Variants in LGALS2 observed in about 807,000 individuals in gnomAD.
LGALS2 encodes the protein galectin-2.
Under a neutral mutation model 10.1 loss-of-function variants are expected in LGALS2, and 7 were observed. The observed-to-expected ratio is 0.70, with a 90% CI of 0.40 to 1.31. The LOEUF (loss-of-function observed/expected upper bound fraction) is 1.31, where lower values mean the gene tolerates loss of function less well. Ranked by LOEUF, LGALS2 falls within the 50% of genes most tolerant of loss-of-function variation. The pLI is 0.01. For missense variants in LGALS2, 167 were observed against 163.6 expected (o/e 1.02, Z -0.11); for synonymous variants, 86 against 64.2 (o/e 1.34, Z -1.63).
intron 1 of LGALS2, among the ~76,000 whole-genome samples, chr22:37,577,535 C>CTTT (rs1242922699): frequency 4.1e-5 from 6 of 147,144 alleles, no homozygotes; most frequent in African/African-American, 5.0e-5. Context: ...TCTTCTTCTT[C>CTTT]TTCTTTTTTG....
chr22:37,572,789 A>ATAATAAT (rs1925541065), intron 1 of LGALS2, among the ~76,000 whole-genome samples: 1 of 142,410 alleles, frequency 7.0e-6, no homozygotes. Context: ...AATAATAATA[A>ATAATAAT]TAATAATAAT....
chr22:37,572,665 G>A (rs991724143), intron 1 of LGALS2, among the ~76,000 whole-genome samples: 3 of 151,852 alleles, frequency 2.0e-5, no homozygotes, highest in African/African-American at 7.3e-5. Context: ...TACTCGGGAG[G>A]CTGAGGCAGG....
chr22:37,570,870 G>A (rs1569181416), intron 2 of LGALS2, 135 bp from the exon 3 acceptor site: 2 of 957,532 alleles, frequency 2.1e-6, no homozygotes, highest in Non-Finnish European at 3.3e-6. Context: ...TTAAAACAAG[G>A]GAGGTAACAA....
chr22:37,576,830 G>GA (rs1925696486), intron 1 of LGALS2, among the ~76,000 whole-genome samples: 1 of 152,228 alleles, frequency 6.6e-6, no homozygotes, highest in South Asian at 2.1e-4. Context: ...CTGCAGGGCA[G>GA]AAGCACTCGG....
At chr22:37,573,005 G>A (rs1025039232) in intron 1 of LGALS2, among the ~76,000 whole-genome samples, 1 of 151,230 alleles carries the variant, frequency 6.6e-6, no homozygotes, top group African/African-American at 2.4e-5. Context: ...CGGGCACAGT[G>A]GCTCACACCT....
Position 37,579,263 on chromosome 22 carries a change from A to AAAAGAG in LGALS2, c.6+636_6+637insCTCTTT, listed in dbSNP as rs71195028. Among the ~76,000 whole-genome samples, 200 of 121,314 alleles carry AAAAGAG rather than the reference A, an allele frequency of 1.6e-3. 7 individuals are homozygous for AAAAGAG. The highest frequency in any genetic ancestry group is 2.5e-3 in the Non-Finnish European group (148 of 59,664). 79.6% of individuals were successfully genotyped at this position (121,314 alleles called of 152,430 possible). ...ACTCCATCTCAAAAAAAAAAAAAAA[A>AAAAGAG]AGAGAAAGAAAAGAAACAAACAAAA... On this transcript the variant is annotated intron_variant, in intron 1 of 3. Transcript: ENST00000215886.
At position 37,570,329 on chromosome 22, in the gene LGALS2, G is replaced by T; in HGVS notation, c.333C>A (p.His111Gln). Residue 111 changes from histidine to glutamine, a missense_variant, in exon 4 of 4, where the codon CAC becomes CAA. Transcript: ENST00000215886. ...TTACGCTCAGGTAGCTCAGGTGGCT[G>T]TGACCCAGCCTGTTGGGAAAAGTCA... Reference protein sequence around the residue: ...HELTFPNRLGHSHLSYLSVRG... With the variant: ...HELTFPNRLGQSHLSYLSVRG... The T allele has an allele frequency of 6.2e-7, 1 of 1,614,092 alleles. No homozygotes were observed. Among genetic ancestry groups the T allele is most frequent in the South Asian group, 1.1e-5 (1 of 91,088 alleles).
chr22:37,576,172 G>T (rs1184995215), intron 1 of LGALS2, among the ~76,000 whole-genome samples: 1 of 152,128 alleles, frequency 6.6e-6, no homozygotes, highest in East Asian at 1.9e-4. Context: ...TCTCTTGCTG[G>T]CCAGGGGCGG....
At chr22:37,579,116 C>G (rs1297920144) in intron 1 of LGALS2, among the ~76,000 whole-genome samples, 4 of 147,900 alleles carry the variant, frequency 2.7e-5, no homozygotes, top group African/African-American at 1.0e-4. Context: ...GGTGTGGTGA[C>G]ACATACCTGT....
At chr22:37,572,769 A>AAATAAT (rs10633102) in intron 1 of LGALS2, among the ~76,000 whole-genome samples, 10,933 of 136,196 alleles carry the variant, frequency 0.08, 733 homozygotes, top group East Asian at 0.41. Context: ...TCCATCTCAA[A>AAATAAT]AATAATAATA....
rs1490733454 is a variant in LGALS2 at position 37,571,888 on chromosome 22, G to A, written c.50C>T (p.Thr17Ile). The part of the protein sequence containing the change: ...VKNMDMKPGS[T>I]LKITGSIADG... ...GGCGATGCTGCCTGTGATCTTCAGG[G>A]TTGACCCCGGCTTCATGTCCATGTT... The change falls in exon 2 of 4, where the codon ACC (threonine) becomes ATC (isoleucine). Residue 17 changes from threonine (T) to isoleucine (I), a missense_variant. Coordinates refer to ENST00000215886, the MANE Select transcript of LGALS2 (RefSeq NM_006498.3). 14 of 1,614,126 alleles carry A rather than the reference G, an allele frequency of 8.7e-6. No individual in the cohort carries two copies. The highest frequency in any genetic ancestry group is 6.7e-5 in the East Asian group (3 of 44,874).
chr22:37,576,331 A>G (rs984941470), intron 1 of LGALS2, among the ~76,000 whole-genome samples: 4 of 151,850 alleles, frequency 2.6e-5, no homozygotes, highest in Admixed American at 1.3e-4. Context: ...AGGCGCCTGT[A>G]GTCCCAGCTA....
intron 1 of LGALS2, among the ~76,000 whole-genome samples, chr22:37,575,760 G>A (rs1925654423): frequency 6.6e-6 from 1 of 152,166 alleles, no homozygotes; most frequent in South Asian, 2.1e-4. Flanking sequence ...CGGCCTGGCA[G>A]TACATTTTAT....
In LGALS2 at chr22:37,579,904, ATGGTGACAGCTCC is replaced by A; in HGVS notation, c.-12_1del. ...GCAGGGGGCTAGTGTCCTCACCGTC[ATGGTGACAGCTCC>A]TGGCGGCAGCTCCCAGCGGCTCCTG... On this transcript the variant is annotated start_lost and start_retained_variant and 5_prime_UTR_variant, in exon 1 of 4. Coordinates refer to ENST00000215886, the MANE Select transcript of LGALS2 (RefSeq NM_006498.3). 6.2e-7 allele frequency: 1 copy of A among 1,611,166 alleles called. No individual in the cohort carries two copies.
chr22:37,570,285 G>A lies in LGALS2; in HGVS notation c.377C>T (p.Ser126Phe), dbSNP rs757102132. The part of the protein sequence containing the change: ...YLSVRGGFNM[S>F]SFKLKE ...CTTTTATTCTTTTAACTTGAAAGAG[G>A]ACATGTTGAACCCGCCCCTTACGCT... The change falls in exon 4 of 4, where the codon TCC (serine) becomes TTC (phenylalanine). Residue 126 changes from serine to phenylalanine, a missense_variant. Physicochemically the swap from Ser to Phe is radical, Grantham distance 155. Transcript: ENST00000215886. 5 of 1,608,684 alleles carry A rather than the reference G, an allele frequency of 3.1e-6. No individual in the cohort carries two copies. The South Asian group carries it at 5.5e-5, about 18-fold the overall frequency.
intron 2 of LGALS2, among the ~76,000 whole-genome samples, chr22:37,571,136 G>A (rs151021485): frequency 1.4e-4 from 21 of 152,264 alleles, no homozygotes; most frequent in Admixed American, 4.6e-4. Flanking sequence ...CAGGAGCCTG[G>A]GCTAGACCTG....
At chr22:37,575,507 C>T (rs922257350) in intron 1 of LGALS2, among the ~76,000 whole-genome samples, 6 of 152,198 alleles carry the variant, frequency 3.9e-5, no homozygotes, top group Non-Finnish European at 7.4e-5. Flanking sequence ...GTCACCCAGG[C>T]TAGAGTGCAG....
At chr22:37,574,041 A>G (rs969524195) in intron 1 of LGALS2, among the ~76,000 whole-genome samples, 2 of 151,522 alleles carry the variant, frequency 1.3e-5, no homozygotes, top group African/African-American at 4.8e-5. Flanking sequence ...TCTTTTTTAA[A>G]TTTTTTCTTT....
At chr22:37,577,099 G>A (rs1474570812) in intron 1 of LGALS2, among the ~76,000 whole-genome samples, 4 of 152,144 alleles carry the variant, frequency 2.6e-5, no homozygotes, top group Non-Finnish European at 5.9e-5. Context: ...TCCCTTATCT[G>A]TCGTATAAGG....
Sources: gnomAD v4.1 joint callset for allele counts (sites outside exome capture counted in the v4.1 genomes callset) on GRCh38, gnomAD v4.1.1 for gene constraint, MANE v1.5 for transcripts, NCBI Gene and HGNC (gene_info 2026-07-23, HGNC 2026-07-21) for gene names.